LRP1B: variants seen among roughly 807,000 people sequenced by gnomAD.
LRP1B encodes the protein low-density lipoprotein receptor-related protein 1B.
A neutral mutation model predicts 556.6 loss-of-function variants in LRP1B; 217 were observed. That is an observed-to-expected ratio of 0.39 (90% CI 0.35 to 0.44). The LOEUF is 0.44. Ranked by LOEUF, LRP1B falls within the 20% of genes least tolerant of loss-of-function variation. LRP1B has a pLI of 1.00. For synonymous variants in LRP1B, 2,047 were observed against 1,865.8 expected (o/e 1.10, Z -2.50); for missense variants, 5,053 against 5,620.8 (o/e 0.90, Z 3.23).
chr2:141,796,705 G>C (rs1247880788), intron 2 of LRP1B, among the ~76,000 whole-genome samples: 1 of 151,306 alleles, frequency 6.6e-6, no homozygotes, highest in African/African-American at 2.4e-5. Flanking sequence ...TATATTATAG[G>C]TTCCTCAACT....
intron 3 of LRP1B, among the ~76,000 whole-genome samples, chr2:141,329,865 C>A (rs1687576469): frequency 6.6e-6 from 1 of 152,056 alleles, no homozygotes. Context: ...AATATACTGA[C>A]AAAATATGCT....
At chr2:141,029,608 C>T (rs1021167161) in intron 11 of LRP1B, among the ~76,000 whole-genome samples, 1 of 152,130 alleles carries the variant, frequency 6.6e-6, no homozygotes, top group African/African-American at 2.4e-5. Flanking sequence ...CCCTGGGATC[C>T]GCAGCTGTGG....
At chr2:141,730,531 T>C (rs540072717) in intron 2 of LRP1B, among the ~76,000 whole-genome samples, 1 of 152,184 alleles carries the variant, frequency 6.6e-6, no homozygotes, top group African/African-American at 2.4e-5. Context: ...CTTTTTGAAT[T>C]TCTTGTCCAA....
intron 69 of LRP1B, among the ~76,000 whole-genome samples, chr2:140,372,088 C>T (rs1265472553): frequency 1.3e-5 from 2 of 151,970 alleles, no homozygotes; most frequent in African/African-American, 4.8e-5. Flanking sequence ...ATTCAAATGT[C>T]TGGGCTTCTG....
At chr2:141,752,540 T>G (rs1694152381) in intron 2 of LRP1B, among the ~76,000 whole-genome samples, 1 of 152,112 alleles carries the variant, frequency 6.6e-6, no homozygotes, top group Non-Finnish European at 1.5e-5. Flanking sequence ...CTTAGGGCTC[T>G]GCCAAAACCG....
chr2:142,053,697 T>C (rs1271409002), intron 1 of LRP1B, among the ~76,000 whole-genome samples: 2 of 152,154 alleles, frequency 1.3e-5, no homozygotes, highest in Non-Finnish European at 2.9e-5. Flanking sequence ...GTAGTATTTC[T>C]GGAATTGTTA....
rs143738189 is a variant in LRP1B at position 140,233,917 on chromosome 2, T to C, written c.13660-591A>G. Among the ~76,000 whole-genome samples the C allele has an allele frequency of 2.6e-3, 401 of 151,482 alleles. 2 individuals are homozygous for C. Among genetic ancestry groups the C allele is most frequent in the African/African-American group, 9.0e-3 (372 of 41,474 alleles). ...CAAAGAATTGTGATGTACACAGTCA[T>C]CTTAAGTTTCACAAACATAGCATTT... On this transcript the variant is annotated intron_variant, in intron 90 of 90. Transcript: ENST00000389484.
chr2:141,403,133 AT>A (rs1210488801), intron 3 of LRP1B, among the ~76,000 whole-genome samples: 3 of 152,138 alleles, frequency 2.0e-5, no homozygotes, highest in African/African-American at 4.8e-5. Context: ...AAGGCCCACT[AT>A]GAAGAACCTG....
At chr2:141,233,280 T>C (rs1051522520) in intron 5 of LRP1B, among the ~76,000 whole-genome samples, 4 of 152,184 alleles carry the variant, frequency 2.6e-5, no homozygotes, top group African/African-American at 9.6e-5. Context: ...ACCAAGACTT[T>C]GGTTGGGTAA....
intron 6 of LRP1B, among the ~76,000 whole-genome samples, chr2:141,211,279 T>G (rs376761995): frequency 6.8e-6 from 1 of 147,762 alleles, no homozygotes; most frequent in African/African-American, 2.5e-5. Context: ...TGAGACACCA[T>G]GCCCAGCCCA....
intron 13 of LRP1B, among the ~76,000 whole-genome samples, chr2:141,015,104 GGTTTT>G (rs1322534886): frequency 2.6e-5 from 4 of 152,020 alleles, no homozygotes; most frequent in Admixed American, 2.0e-4. Context: ...GAAATATAGA[GGTTTT>G]GTTTTGTCAA....
chr2:140,370,532 C>A (rs1573856365), intron 71 of LRP1B, among the ~76,000 whole-genome samples, 178 bp downstream of exon 71: 1 of 152,078 alleles, frequency 6.6e-6, no homozygotes, highest in Admixed American at 6.6e-5. Flanking sequence ...TATACTCTGT[C>A]TGACAATGAT....
At chr2:141,998,383 G>A (rs924692711) in intron 1 of LRP1B, among the ~76,000 whole-genome samples, 7 of 152,078 alleles carry the variant, frequency 4.6e-5, no homozygotes, top group Non-Finnish European at 7.4e-5. Context: ...TGGGTTAGAG[G>A]CATGTGCTCT....
At chr2:140,374,503 G>A (rs1002780596) in intron 68 of LRP1B, among the ~76,000 whole-genome samples, 6 of 152,106 alleles carry the variant, frequency 3.9e-5, no homozygotes, top group African/African-American at 1.4e-4. Context: ...GGAAATGTGG[G>A]ATATCTGGAG....
At chr2:141,403,247 A>G (rs1226227206) in intron 3 of LRP1B, among the ~76,000 whole-genome samples, 1 of 152,142 alleles carries the variant, frequency 6.6e-6, no homozygotes, top group Non-Finnish European at 1.5e-5. Context: ...TAAATGTTTT[A>G]GCAGACTCAG....
At position 141,103,411 on chromosome 2, in the gene LRP1B, GGCTTGT is replaced by G. The variant is rs757145320; in HGVS notation, c.1014-41144_1014-41139del. 2.2e-4 allele frequency among the ~76,000 whole-genome samples: 34 copies of G among 151,794 alleles called. No individual in the cohort carries two copies. In the Middle Eastern group the frequency reaches 0.021, roughly 92 times the overall value. On this transcript the variant is annotated intron_variant, in intron 7 of 90. Transcript: ENST00000389484. ...CTCACTCAGTGTGGTTCATTATATTGGCTTGTCTCACTTGTGGCAGCAACAGAATTC... is the reference window on the plus strand; with the variant it reads ...CTCACTCAGTGTGGTTCATTATATTGCTCACTTGTGGCAGCAACAGAATTC...
At chr2:141,885,574 G>T (rs959258196) in intron 1 of LRP1B, among the ~76,000 whole-genome samples, 2 of 152,196 alleles carry the variant, frequency 1.3e-5, no homozygotes, top group African/African-American at 4.8e-5. Context: ...GGCAGAGAAA[G>T]TATTGCCAGT....
At position 141,649,579 on chromosome 2, in the gene LRP1B, G is replaced by A. The variant is rs559954452; in HGVS notation, c.205+160700C>T. Among the ~76,000 whole-genome samples the A allele has an allele frequency of 2.6e-5, 4 of 152,262 alleles. No individual in the cohort carries two copies. The South Asian group carries it at 8.3e-4, about 32-fold the overall frequency. ...TTGATGTCTCTTTACCTGAAATTGT[G>A]TGTATAAGACTATTTCTCCATTCTA... is the stretch of plus-strand genomic sequence containing the variant. On this transcript the variant is annotated intron_variant, in intron 2 of 90. Transcript: ENST00000389484.
chr2:141,555,204 TTTC>T (rs1471351238), intron 2 of LRP1B, among the ~76,000 whole-genome samples: 8 of 151,904 alleles, frequency 5.3e-5, no homozygotes, highest in Admixed American at 4.6e-4. Context: ...CCACTACAAA[TTTC>T]TTCTTAAGTA....
Sources: gnomAD v4.1 joint callset for allele counts (sites outside exome capture counted in the v4.1 genomes callset) on GRCh38, gnomAD v4.1.1 for gene constraint, MANE v1.5 for transcripts, NCBI Gene and HGNC (gene_info 2026-07-23, HGNC 2026-07-21) for gene names.